Variants in LIPC observed in about 807,000 individuals in gnomAD.
The protein encoded by LIPC is lipase C, hepatic type.
LIPC carries 44 observed loss-of-function variants against 50.7 expected under a neutral mutation model. The observed-to-expected ratio is 0.87, with a 90% CI of 0.68 to 1.11. LIPC has a LOEUF of 1.11. Among genes scored for constraint, LIPC ranks in the 50% most tolerant of loss-of-function variants. The pLI is 0.00. For synonymous variants in LIPC, 271 were observed against 256.4 expected (o/e 1.06, Z -0.54); for missense variants, 697 against 648.2 (o/e 1.08, Z -0.82).
intron 1 of LIPC, among the ~76,000 whole-genome samples, chr15:58,458,537 T>C (rs1277147785): frequency 6.6e-6 from 1 of 152,234 alleles, no homozygotes; most frequent in Non-Finnish European, 1.5e-5. Context: ...GAATAAGTCT[T>C]ACTTGAGGCT....
At chr15:58,536,617 G>T (rs1192153315) in intron 1 of LIPC, among the ~76,000 whole-genome samples, 9 of 152,148 alleles carry the variant, frequency 5.9e-5, no homozygotes, top group Non-Finnish European at 1.5e-5. Context: ...CAGGAGGGCA[G>T]CCAGTGAAAT....
rs141603865 is a variant in LIPC at position 58,524,879 on chromosome 15, A to G, written c.89-13454A>G. On this transcript the variant is annotated intron_variant, in intron 1 of 8. Coordinates refer to ENST00000299022, the MANE Select transcript of LIPC (RefSeq NM_000236.3). The stretch of plus-strand genomic sequence containing the variant: ...TATTGTTCATTTTTTGCCTCTGCTT[A>G]TGGTCTTTTTTTAATTTAGTTGGTC... Among the ~76,000 whole-genome samples the G allele has an allele frequency of 2.2e-4, 34 of 151,958 alleles. No individual in the cohort carries two copies. In the East Asian group the frequency reaches 6.4e-3, roughly 29 times the overall value.
At chr15:58,462,536 C>A (rs1197904480) in intron 1 of LIPC, among the ~76,000 whole-genome samples, 1 of 152,224 alleles carries the variant, frequency 6.6e-6, no homozygotes, top group Non-Finnish European at 1.5e-5. Context: ...CTTTCTTTCT[C>A]TCTCCTTCCC....
At chr15:58,513,734 C>T (rs1892401396) in intron 1 of LIPC, among the ~76,000 whole-genome samples, 1 of 152,208 alleles carries the variant, frequency 6.6e-6, no homozygotes, top group African/African-American at 2.4e-5. Context: ...CCTCAGTTCA[C>T]AGTTGTGCAG....
At chr15:58,554,245 G>A (rs1262959949) in intron 6 of LIPC, among the ~76,000 whole-genome samples, 2 of 152,112 alleles carry the variant, frequency 1.3e-5, no homozygotes, top group Non-Finnish European at 2.9e-5. Flanking sequence ...CTCTCCGGAG[G>A]CCTCAGATTT....
At chr15:58,467,318 C>G (rs1029788990) in intron 1 of LIPC, among the ~76,000 whole-genome samples, 2 of 152,206 alleles carry the variant, frequency 1.3e-5, no homozygotes, top group Admixed American at 6.5e-5. Flanking sequence ...GCTTGTGGAG[C>G]AGAACCTTTG....
intron 1 of LIPC, among the ~76,000 whole-genome samples, chr15:58,433,693 TC>T (rs1345612154): frequency 6.6e-6 from 1 of 152,184 alleles, no homozygotes; most frequent in Non-Finnish European, 1.5e-5. Context: ...AGGGATGGCC[TC>T]CCCCAGGCTT....
chr15:58,519,163 C>A (rs142604640), intron 1 of LIPC, among the ~76,000 whole-genome samples: 1 of 152,078 alleles, frequency 6.6e-6, no homozygotes, highest in African/African-American at 2.4e-5. Flanking sequence ...AATCCCAGAA[C>A]TTCAGGAGGC....
At chr15:58,511,908 G>C (rs1892340892) in intron 1 of LIPC, among the ~76,000 whole-genome samples, 1 of 151,994 alleles carries the variant, frequency 6.6e-6, no homozygotes, top group Non-Finnish European at 1.5e-5. Flanking sequence ...ACAAAACATT[G>C]AGTTATAAAA....
chr15:58,538,195 A>C, intron 1 of LIPC, 138 bp from the exon 2 acceptor site: 2 of 870,002 alleles, frequency 2.3e-6, no homozygotes, highest in Non-Finnish European at 3.9e-6. Context: ...GGCTCCCCAC[A>C]GTTGTGGCTC....
intron 6 of LIPC, among the ~76,000 whole-genome samples, chr15:58,551,370 A>G (rs536752574): frequency 1.6e-3 from 245 of 152,308 alleles, no homozygotes; most frequent in African/African-American, 2.2e-3. Flanking sequence ...ATGTTATCCA[A>G]TGTGGTAGCC....
At chr15:58,547,656 T>C (rs1222126716) in intron 5 of LIPC, among the ~76,000 whole-genome samples, 1 of 142,764 alleles carries the variant, frequency 7.0e-6, no homozygotes, top group Non-Finnish European at 1.5e-5. Context: ...AAAGGTCAAA[T>C]CCTTAGTAGA....
At chr15:58,550,816 T>C (rs1893725005) in intron 6 of LIPC, among the ~76,000 whole-genome samples, 1 of 140,046 alleles carries the variant, frequency 7.1e-6, no homozygotes, top group Non-Finnish European at 1.5e-5. Context: ...CCTCTCCTTT[T>C]CTTTCTTACT....
intron 1 of LIPC, among the ~76,000 whole-genome samples, chr15:58,460,596 C>G (rs1050641567): frequency 2.0e-5 from 3 of 152,206 alleles, no homozygotes; most frequent in Non-Finnish European, 4.4e-5. Flanking sequence ...GCTGGGAAAC[C>G]CAGGCTCTGA....
chr15:58,493,141 G>C (rs1424561269), intron 1 of LIPC, among the ~76,000 whole-genome samples: 1 of 152,042 alleles, frequency 6.6e-6, no homozygotes, highest in Non-Finnish European at 1.5e-5. Flanking sequence ...ATCATCATCA[G>C]ACCAAAAGAA....
chr15:58,441,007 G>A lies in LIPC; in HGVS notation c.88+8887G>A, dbSNP rs112653180. ...GAGGCAGGGCAGACCACTGATGAGGGGGGTTGTTTTTAAAAGGCTGCCTTT... is the reference window on the plus strand; with the variant it reads ...GAGGCAGGGCAGACCACTGATGAGGAGGGTTGTTTTTAAAAGGCTGCCTTT... On this transcript the variant is annotated intron_variant, in intron 1 of 8. Coordinates refer to ENST00000299022, the MANE Select transcript of LIPC (RefSeq NM_000236.3). 9.2e-3 allele frequency among the ~76,000 whole-genome samples: 1,405 copies of A among 152,294 alleles called. 19 individuals are homozygous for A. The highest frequency in any genetic ancestry group is 0.033 in the African/African-American group (1,355 of 41,560).
At chr15:58,478,472 C>T (rs1434355275) in intron 1 of LIPC, among the ~76,000 whole-genome samples, 1 of 152,120 alleles carries the variant, frequency 6.6e-6, no homozygotes, top group Admixed American at 6.5e-5. Context: ...CTCCTGACCT[C>T]AAGTGATCCA....
chr15:58,460,240 A>C (rs780995671), intron 1 of LIPC, among the ~76,000 whole-genome samples: 65 of 152,214 alleles, frequency 4.3e-4, no homozygotes, highest in South Asian at 8.3e-4. Context: ...TCTGAAATAA[A>C]GTTTTGGCTT....
intron 1 of LIPC, among the ~76,000 whole-genome samples, chr15:58,489,226 GGGGGC>G (rs1555400856): frequency 1.9e-5 from 2 of 105,428 alleles, no homozygotes; most frequent in African/African-American, 3.8e-5. Context: ...GCGGGGGCGG[GGGGGC>G]GGCTTACAAG....
Sources: allele counts gnomAD v4.1 joint callset (sites outside exome capture counted in the v4.1 genomes callset), GRCh38; gene constraint gnomAD v4.1.1; transcripts MANE v1.5; gene names NCBI Gene and HGNC (gene_info 2026-07-23, HGNC 2026-07-21).